Variants in NCKAP5 observed in about 807,000 individuals in gnomAD.
NCKAP5 encodes NCK associated protein 5.
Under a neutral mutation model 167.0 loss-of-function variants are expected in NCKAP5, and 92 were observed. That is an observed-to-expected ratio of 0.55 (90% CI 0.47 to 0.66). The LOEUF is 0.66. Among genes scored for constraint, NCKAP5 ranks in the 30% least tolerant of loss-of-function variants. The probability of loss-of-function intolerance (pLI) is 0.00; values close to 1 mark genes in which losing one functional copy is unlikely to be tolerated. For missense variants in NCKAP5, 2,378 were observed against 2,315.0 expected, an observed-to-expected ratio of 1.03 and a Z score of -0.56; for synonymous variants, 891 against 877.4, an observed-to-expected ratio of 1.02 and a Z score of -0.27.
chr2:133,369,810 A>G (rs1230985160), intron 3 of NCKAP5, among the ~76,000 whole-genome samples: 1 of 152,224 alleles, frequency 6.6e-6, no homozygotes, highest in Non-Finnish European at 1.5e-5. Context: ...ATAAATATAG[A>G]AAATGGATGA....
chr2:133,007,549 C>T (rs1480742717), intron 6 of NCKAP5, among the ~76,000 whole-genome samples: 1 of 152,134 alleles, frequency 6.6e-6, no homozygotes, highest in African/African-American at 2.4e-5. Flanking sequence ...ACAACCCCAA[C>T]CTCTCAGTGA....
intron 11 of NCKAP5, among the ~76,000 whole-genome samples, chr2:132,824,560 G>A (rs1360749722): frequency 1.3e-5 from 2 of 152,160 alleles, no homozygotes; most frequent in Non-Finnish European, 2.9e-5. Context: ...AAGAAAGAAG[G>A]GAGAAGAATA....
At chr2:133,555,058 G>T (rs1687641563) in intron 2 of NCKAP5, among the ~76,000 whole-genome samples, 1 of 152,148 alleles carries the variant, frequency 6.6e-6, no homozygotes, top group Admixed American at 6.6e-5. Context: ...GGCATCACTT[G>T]ATCTCTGTCA....
At chr2:133,104,445 C>T (rs1226111786) in intron 6 of NCKAP5, among the ~76,000 whole-genome samples, 1 of 152,216 alleles carries the variant, frequency 6.6e-6, no homozygotes, top group Admixed American at 6.5e-5. Flanking sequence ...AACCAAATTC[C>T]TTAATGAAGC....
At chr2:132,767,028 G>T (rs1681559700) in intron 16 of NCKAP5, among the ~76,000 whole-genome samples, 1 of 152,090 alleles carries the variant, frequency 6.6e-6, no homozygotes. Context: ...CCTCTGTTTG[G>T]CTTAACATAG....
At chr2:132,789,456 A>G (rs1037635628) in intron 13 of NCKAP5, among the ~76,000 whole-genome samples, 1 of 152,166 alleles carries the variant, frequency 6.6e-6, no homozygotes. Context: ...CTCCCTCATC[A>G]ATATCTCCTG....
chr2:133,470,596 G>C (rs1362685958), intron 3 of NCKAP5, among the ~76,000 whole-genome samples: 1 of 152,214 alleles, frequency 6.6e-6, no homozygotes, highest in African/African-American at 2.4e-5. Context: ...AATGGCGGGT[G>C]CCCCTCCCCC....
At chr2:133,184,731 C>T (rs2084873627) in intron 5 of NCKAP5, among the ~76,000 whole-genome samples, 1 of 152,016 alleles carries the variant, frequency 6.6e-6, no homozygotes, top group East Asian at 1.9e-4. Flanking sequence ...TATTGAACAT[C>T]TTTTCATGTT....
chr2:133,320,725 AAAAC>A (rs570238647), intron 3 of NCKAP5, among the ~76,000 whole-genome samples: 161 of 152,134 alleles, frequency 1.1e-3, no homozygotes, highest in African/African-American at 3.2e-3. Context: ...AATAAACAAC[AAAAC>A]AAACAAACAA....
intron 3 of NCKAP5, among the ~76,000 whole-genome samples, chr2:133,493,395 A>G (rs927527259): frequency 5.9e-5 from 9 of 152,304 alleles, no homozygotes; most frequent in Middle Eastern, 3.4e-3. Flanking sequence ...ATTCTTTTTC[A>G]AGACTATCAC....
intron 19 of NCKAP5, among the ~76,000 whole-genome samples, chr2:132,687,379 G>C (rs1157125903): frequency 1.3e-5 from 2 of 152,154 alleles, no homozygotes; most frequent in African/African-American, 4.8e-5. Context: ...GAGGGAGGGT[G>C]AAAGAGGGGA....
intron 19 of NCKAP5, among the ~76,000 whole-genome samples, chr2:132,706,982 C>A (rs1420411927): frequency 6.6e-6 from 1 of 152,138 alleles, no homozygotes; most frequent in Non-Finnish European, 1.5e-5. Flanking sequence ...ATAGATGCCT[C>A]CACCCATTGT....
intron 15 of NCKAP5, among the ~76,000 whole-genome samples, chr2:132,780,623 C>A (rs191750729): frequency 6.6e-6 from 1 of 152,256 alleles, no homozygotes; most frequent in East Asian, 1.9e-4. Context: ...TAAATCAAAT[C>A]ATCAAAATAG....
chr2:132,741,958 C>A (rs189215298), intron 16 of NCKAP5, among the ~76,000 whole-genome samples: 1 of 152,082 alleles, frequency 6.6e-6, no homozygotes, highest in Non-Finnish European at 1.5e-5. Context: ...ATGCTCTTTA[C>A]GCATTCTCCT....
chr2:133,383,570 T>G (rs1486762655), intron 3 of NCKAP5, among the ~76,000 whole-genome samples: 6 of 152,148 alleles, frequency 3.9e-5, no homozygotes, highest in Non-Finnish European at 7.4e-5. Flanking sequence ...ATTCCTTTGG[T>G]TATATACCCA....
rs74871085 is a variant in NCKAP5 at position 132,953,732 on chromosome 2, C to A, written c.579+9988G>T. Among the ~76,000 whole-genome samples, 1,134 of 152,034 alleles carry A rather than the reference C, an allele frequency of 7.5e-3. 12 individuals are homozygous for A. Among genetic ancestry groups the A allele is most frequent in the African/African-American group, 0.025 (1,029 of 41,494 alleles). ...AAAAAAATAAGCAGTAACATTCTTT[C>A]TGGGTGGTATTAAAGTAATTCTGAC... On this transcript the variant is annotated intron_variant, in intron 8 of 19. Transcript: ENST00000409261.
At chr2:133,571,079 A>G (rs201652547), upstream of NCKAP5, among the ~76,000 whole-genome samples, 1 of 151,480 alleles carries the variant, frequency 6.6e-6, no homozygotes, top group Non-Finnish European at 1.5e-5. Context: ...TTTTCAAAGC[A>G]CTATTTCTAT....
At chr2:132,978,384 T>C (rs917205304) in intron 7 of NCKAP5, among the ~76,000 whole-genome samples, 1 of 152,206 alleles carries the variant, frequency 6.6e-6, no homozygotes, top group Non-Finnish European at 1.5e-5. Flanking sequence ...AGTAGAAAAC[T>C]GAGCATCCAC....
chr2:133,370,505 G>T (rs1685733324), intron 3 of NCKAP5, among the ~76,000 whole-genome samples: 2 of 152,102 alleles, frequency 1.3e-5, no homozygotes. Context: ...GTGGAAAAAG[G>T]GTTTTAATCT....
Sources: gnomAD v4.1 joint callset for allele counts (sites outside exome capture counted in the v4.1 genomes callset) on GRCh38, gnomAD v4.1.1 for gene constraint, MANE v1.5 for transcripts, NCBI Gene and HGNC (gene_info 2026-07-23, HGNC 2026-07-21) for gene names.